FANCM: variants seen among roughly 807,000 people sequenced by gnomAD.
FANCM encodes the protein Fanconi anemia group M protein.
Under a neutral mutation model 199.5 loss-of-function variants are expected in FANCM, and 140 were observed. That is an observed-to-expected ratio of 0.70 (90% CI 0.61 to 0.81). The LOEUF (loss-of-function observed/expected upper bound fraction) is 0.81. Among genes scored for constraint, FANCM ranks in the 30% least tolerant of loss-of-function variants. FANCM has a pLI of 0.00. For missense variants in FANCM, 2,410 were observed against 2,421.4 expected, an observed-to-expected ratio of 1.00 and a Z score of 0.10; for synonymous variants, 840 against 836.8, an observed-to-expected ratio of 1.00 and a Z score of -0.07.
At chr14:45,160,143 G>A (rs567907990) in intron 9 of FANCM, among the ~76,000 whole-genome samples, 1 of 150,782 alleles carries the variant, frequency 6.6e-6, no homozygotes, top group African/African-American at 2.4e-5. Context: ...GGGATTACAG[G>A]CACCCACGCC....
In FANCM at chr14:45,176,717, A is replaced by G. The variant is rs2139252605; in HGVS notation, c.3963A>G (p.Leu1321=). The part of the protein sequence containing the change: ...PLSAAKNEEL[L]SPGYSQFSLP... ...GTGCAGCAAAAAATGAAGAATTGTT[A>G]TCTCCTGGTTATTCTCAGTTTTCTT... is the stretch of plus-strand genomic sequence containing the variant. Residue 1321 remains leucine (L), a synonymous_variant, in exon 14 of 23, where the codon TTA becomes TTG. Transcript: ENST00000267430. 4 of 1,613,626 alleles carry G rather than the reference A, an allele frequency of 2.5e-6. No homozygotes were observed. The highest frequency in any genetic ancestry group is 1.1e-5 in the South Asian group (1 of 91,044).
chr14:45,157,849 A>G (rs1193566311), intron 8 of FANCM, among the ~76,000 whole-genome samples: 3 of 152,220 alleles, frequency 2.0e-5, no homozygotes, highest in African/African-American at 7.2e-5. Flanking sequence ...ATGAGTTAAC[A>G]TACATAAAAT....
chr14:45,167,338 C>T (rs757115542), intron 11 of FANCM, 175 bp downstream of exon 11: 1 of 610,082 alleles, frequency 1.6e-6, no homozygotes, highest in Non-Finnish European at 2.9e-6. Context: ...TGGAGAGACA[C>T]TGGTAGTATA....
rs758206873 is a variant in FANCM, at chr14:45,189,200, A to G, written c.5178A>G (p.Pro1726=). ...TGCGTTCTACTCCAAGAGTTAATCCATTAGCAAAGCAGAGCAAACAGACAT... is the reference window on the plus strand; with the variant it reads ...TGCGTTCTACTCCAAGAGTTAATCCGTTAGCAAAGCAGAGCAAACAGACAT... ...SKVRSTPRVN[P]LAKQSKQTSL... Residue 1726 remains proline (P), a synonymous_variant, in exon 20 of 23, where the codon CCA becomes CCG. Transcript: ENST00000267430. 5 of 1,614,200 alleles carry G rather than the reference A, an allele frequency of 3.1e-6. No individual in the cohort carries two copies. In the South Asian group the frequency reaches 4.4e-5, roughly 14 times the overall value.
intron 17 of FANCM, among the ~76,000 whole-genome samples, chr14:45,184,650 G>C (rs1376614534): frequency 7.7e-6 from 1 of 130,610 alleles, no homozygotes; most frequent in Non-Finnish European, 1.6e-5. Context: ...AACAAAGTGA[G>C]ACTCTGTCTC....
At position 45,175,186 on chromosome 14, in the gene FANCM, C is replaced by T. The variant is rs1369920001; in HGVS notation, c.2432C>T (p.Thr811Ile). ...SNNLASDTFITHKKSSFIKNI... is the reference protein window; with the variant it reads ...SNNLASDTFIIHKKSSFIKNI... ...AATCTTGCCAGTGACACCTTTATCA[C>T]TCACAAGAAATCGTCATTTATAAAG... Residue 811 changes from threonine to isoleucine, a missense_variant, in exon 14 of 23, where the codon ACT becomes ATT. Thr to Ile is a moderately conservative substitution (Grantham distance 89, BLOSUM62 -1). Transcript: ENST00000267430. The T allele has an allele frequency of 6.2e-7, 1 of 1,610,758 alleles. No individual in the cohort carries two copies. Among genetic ancestry groups the T allele is most frequent in the Non-Finnish European group, 8.5e-7 (1 of 1,177,456 alleles).
At position 45,189,272 on chromosome 14, in the gene FANCM, T is replaced by C. The variant is rs750305966; in HGVS notation, c.5250T>C (p.Pro1750=). 6.2e-7 allele frequency: 1 copy of C among 1,613,752 alleles called. No homozygotes were observed. The highest frequency in any genetic ancestry group is 8.5e-7 in the Non-Finnish European group (1 of 1,179,696). ...DTISEVSDFK[P]QNHNEVQSTT... ...TTTCCGAAGTCTCAGACTTCAAACCTCAGAATCATAATGAAGTCCAGTCTA... is the reference window on the plus strand; with the variant it reads ...TTTCCGAAGTCTCAGACTTCAAACCCCAGAATCATAATGAAGTCCAGTCTA... The change falls in exon 20 of 23, where the codon CCT becomes CCC. Residue 1750 remains proline, a synonymous_variant. Coordinates refer to ENST00000267430, the MANE Select transcript of FANCM (RefSeq NM_020937.4).
In FANCM at chr14:45,196,497, G is replaced by T; in HGVS notation, c.5666G>T (p.Ser1889Ile). Residue 1889 changes from serine (S) to isoleucine (I), a missense_variant, in exon 21 of 23, where the codon AGT (serine) becomes ATT (isoleucine). By Grantham distance (142) the Ser-to-Ile change is moderately radical. Transcript: ENST00000267430. ...ATTGAGCAGATCCAGCACCTGCAGA[G>T]TATGTTTGAAAGAATATGTGTGATT... Reference protein sequence around the residue: ...KFIEQIQHLQSMFERICVIVE... With the variant: ...KFIEQIQHLQIMFERICVIVE... The T allele has an allele frequency of 6.2e-7, 1 of 1,614,076 alleles. No homozygotes were observed.
chr14:45,192,635 T>C (rs1233643224), intron 20 of FANCM, among the ~76,000 whole-genome samples: 1 of 151,444 alleles, frequency 6.6e-6, no homozygotes, highest in Non-Finnish European at 1.5e-5. Flanking sequence ...ATAGCGAGAC[T>C]CCATCTCAAA....
At position 45,198,979 on chromosome 14, in the gene FANCM, T is replaced by C. The variant is rs945339971; in HGVS notation, c.6008+44T>C. On this transcript the variant is annotated intron_variant, in intron 22 of 22. Transcript: ENST00000267430. ...TTTTAAATGATTACTTTTAAAAGAT[T>C]CGTAAAAGCATTCCATAGAAGTTTA... 7 of 1,452,946 alleles carry C rather than the reference T, an allele frequency of 4.8e-6. No individual in the cohort carries two copies. The African/African-American group carries it at 9.8e-5, about 20-fold the overall frequency. 90.0% of individuals were successfully genotyped at this position (1,452,946 alleles called of 1,614,324 possible).
Position 45,151,415 on chromosome 14 carries a change from C to T in FANCM, c.937C>T (p.Arg313Cys), listed in dbSNP as rs372710600. 2.0e-5 allele frequency: 32 copies of T among 1,613,486 alleles called. No individual in the cohort carries two copies. In the South Asian group the frequency reaches 3.0e-4, roughly 15 times the overall value. ...TYIQILESFA[R>C]SLIQRNVLMR... ...TTTGCAGATTTTGGAATCATTTGCT[C>T]GTTCTTTGATTCAGAGGAATGTTTT... Residue 313 changes from arginine to cysteine, a missense_variant, in exon 5 of 23, where the codon CGT becomes TGT. Physicochemically the swap from Arg to Cys is radical, Grantham distance 180. Transcript: ENST00000267430.
chr14:45,185,216 G>A lies in FANCM; in HGVS notation c.4516-1G>A, dbSNP rs1415046931. ...CATGTTTTCTAATTTGTCTTACTTA[G>A]CATGTAGCTAGGAAGTTTTTAGATG... On this transcript the variant is annotated splice_acceptor_variant, in intron 17 of 22. Transcript: ENST00000267430. LOFTEE classifies it high-confidence loss of function. 1 of 1,575,064 alleles carries A rather than the reference G, an allele frequency of 6.3e-7. No individual in the cohort carries two copies. Among genetic ancestry groups the A allele is most frequent in the Admixed American group, 1.7e-5 (1 of 59,636 alleles).
At position 45,181,671 on chromosome 14, in the gene FANCM, A is replaced by T. The variant is rs572890751; in HGVS notation, c.4352A>T (p.His1451Leu). 1 of 1,611,514 alleles carries T rather than the reference A, an allele frequency of 6.2e-7. No individual in the cohort carries two copies. The highest frequency in any genetic ancestry group is 8.5e-7 in the Non-Finnish European group (1 of 1,178,210). ...QKNSEVDSPL[H>L]AVKKRRFPIN... ...AATAGTGAAGTTGATTCTCCACTTC[A>T]TGCTGTCAAAAAGCGCAGATTTCCT... is the stretch of plus-strand genomic sequence containing the variant. Residue 1451 changes from histidine (H) to leucine (L), a missense_variant, in exon 16 of 23, where the codon CAT becomes CTT. Transcript: ENST00000267430.
chr14:45,159,789 AG>A (rs1887456025), intron 9 of FANCM, among the ~76,000 whole-genome samples: 1 of 152,134 alleles, frequency 6.6e-6, no homozygotes, highest in Non-Finnish European at 1.5e-5. Context: ...TTATGCTCTG[AG>A]TAAGAGGACA....
intron 11 of FANCM, among the ~76,000 whole-genome samples, chr14:45,169,447 T>C (rs1173714597): frequency 6.6e-6 from 1 of 151,940 alleles, no homozygotes; most frequent in Non-Finnish European, 1.5e-5. Context: ...TACACAAGTT[T>C]GGAATACCTG....
rs1366773845 is a variant in FANCM, at chr14:45,145,983, C to T, written c.760-2854C>T. 1.6e-3 allele frequency among the ~76,000 whole-genome samples: 230 copies of T among 145,734 alleles called. 3 individuals carry two copies. The highest frequency in any genetic ancestry group is 5.8e-3 in the African/African-American group (222 of 38,492). On this transcript the variant is annotated intron_variant, in intron 3 of 22. Coordinates refer to ENST00000267430, the MANE Select transcript of FANCM (RefSeq NM_020937.4). ...CTGAGGCAGGAGAATGGCGTGAACC[C>T]GGGAGGCGGAGCTTGCAGTGAGCCG...
At chr14:45,155,714 G>C (rs1315144129) in intron 8 of FANCM, among the ~76,000 whole-genome samples, 1 of 152,190 alleles carries the variant, frequency 6.6e-6, no homozygotes, top group South Asian at 2.1e-4. Context: ...TAGGAGAATC[G>C]CTTGAACCTG....
At chr14:45,199,847 AT>A in intron 22 of FANCM, 22 bp from the exon 23 acceptor site, 1 of 1,608,764 alleles carries the variant, frequency 6.2e-7, no homozygotes, top group Middle Eastern at 1.7e-4. Context: ...TAGTGTAATG[AT>A]TTTGTCTCAT....
chr14:45,139,240 A>T (rs1278637930), intron 2 of FANCM, among the ~76,000 whole-genome samples: 2 of 152,232 alleles, frequency 1.3e-5, no homozygotes, highest in Non-Finnish European at 2.9e-5. Flanking sequence ...TTTCTGAAGA[A>T]TAATAAGTAT....
Sources: allele counts gnomAD v4.1 joint callset (sites outside exome capture counted in the v4.1 genomes callset), GRCh38; gene constraint gnomAD v4.1.1; transcripts MANE v1.5; gene names NCBI Gene and HGNC (gene_info 2026-07-23, HGNC 2026-07-21).